ARB2A: variants seen among roughly 807,000 people sequenced by gnomAD.
ARB2A encodes the protein ARB2 cotranscriptional regulator A.
At chr5:93,852,744 T>C in the ARB2A span, among the ~76,000 whole-genome samples, 1 of 152,208 alleles carries the variant, frequency 6.6e-6, no homozygotes, top group East Asian at 1.9e-4. Context: ...TTCTCAGGTT[T>C]GTCAAAGATC....
chr5:93,683,121 G>C, the ARB2A span: 1 of 1,541,138 alleles, frequency 6.5e-7, no homozygotes, highest in Non-Finnish European at 8.9e-7. Context: ...TTTTTGGCTG[G>C]AGTATCTCGT....
the ARB2A span, among the ~76,000 whole-genome samples, chr5:93,848,627 T>G: frequency 6.6e-6 from 1 of 152,156 alleles, no homozygotes; most frequent in African/African-American, 2.4e-5. Flanking sequence ...AAAATGTGAC[T>G]AAGTATCAGA....
At chr5:93,945,506 G>A in the ARB2A span, among the ~76,000 whole-genome samples, 47 of 151,626 alleles carry the variant, frequency 3.1e-4, no homozygotes, top group Non-Finnish European at 5.7e-4. Context: ...CAAATCAGGC[G>A]TACTAATCAG....
chr5:93,770,793 G>T, the ARB2A span, among the ~76,000 whole-genome samples: 1 of 152,136 alleles, frequency 6.6e-6, no homozygotes, highest in East Asian at 1.9e-4. Flanking sequence ...ACTGCTCAAT[G>T]AAATAAAAGA....
chr5:93,929,786 T>C, the ARB2A span, among the ~76,000 whole-genome samples: 2 of 152,196 alleles, frequency 1.3e-5, no homozygotes, highest in Non-Finnish European at 2.9e-5. Context: ...AATTCAAAAT[T>C]ATTCTATTCA....
chr5:93,912,834 G>T, the ARB2A span, among the ~76,000 whole-genome samples: 32 of 151,592 alleles, frequency 2.1e-4, 1 homozygote, highest in South Asian at 6.2e-3. Context: ...ATATAGCTGT[G>T]TTTTCCAAAG....
chr5:93,668,360 C>T, the ARB2A span, among the ~76,000 whole-genome samples: 1 of 152,204 alleles, frequency 6.6e-6, no homozygotes, highest in African/African-American at 2.4e-5. Flanking sequence ...CCAACTCAGC[C>T]TCCAAAAAGT....
At chr5:93,986,350 C>T in the ARB2A span, among the ~76,000 whole-genome samples, 4 of 151,714 alleles carry the variant, frequency 2.6e-5, no homozygotes, top group Non-Finnish European at 4.4e-5. Context: ...CGGCAGCCAC[C>T]GTGTCTGGTA....
the ARB2A span, among the ~76,000 whole-genome samples, chr5:94,051,058 T>C: frequency 6.6e-6 from 1 of 152,298 alleles, no homozygotes; most frequent in African/African-American, 2.4e-5. Context: ...CCTTCATGTC[T>C]CTAATCTAAA....
At chr5:93,767,153 A>T in the ARB2A span, among the ~76,000 whole-genome samples, 2 of 152,184 alleles carry the variant, frequency 1.3e-5, no homozygotes, top group Non-Finnish European at 2.9e-5. Context: ...ACTAACCTGC[A>T]CGTTGTGCAC....
chr5:93,652,996 G>A, the ARB2A span, among the ~76,000 whole-genome samples: 43 of 152,074 alleles, frequency 2.8e-4, no homozygotes, highest in Middle Eastern at 6.8e-3. Context: ...GTTTTCTATC[G>A]GCTTTAACCC....
chr5:93,790,296 G>A, the ARB2A span, among the ~76,000 whole-genome samples: 5 of 152,252 alleles, frequency 3.3e-5, 1 homozygote, highest in Admixed American at 2.6e-4. Context: ...ACAAAAATAT[G>A]CCATGTAAAC....
the ARB2A span, among the ~76,000 whole-genome samples, chr5:93,712,630 T>C: frequency 2.6e-5 from 4 of 152,162 alleles, no homozygotes; most frequent in Non-Finnish European, 5.9e-5. Flanking sequence ...AAATCAATTT[T>C]AATTCTCAAA....
At chr5:93,918,430 C>CTTTT in the ARB2A span, among the ~76,000 whole-genome samples, 20 of 107,318 alleles carry the variant, frequency 1.9e-4, no homozygotes, top group East Asian at 2.7e-4. Context: ...TTCCAAATTT[C>CTTTT]TTTTTTTTTT....
the ARB2A span, chr5:94,055,976 G>C: frequency 4.7e-5 from 39 of 836,000 alleles, no homozygotes; most frequent in Non-Finnish European, 5.6e-5. Flanking sequence ...TACTTCATTT[G>C]ATCATCACAA....
At chr5:93,923,978 G>C in the ARB2A span, among the ~76,000 whole-genome samples, 2 of 152,234 alleles carry the variant, frequency 1.3e-5, no homozygotes, top group East Asian at 3.9e-4. Flanking sequence ...AGAGAAAGAA[G>C]AGTGGAAAGT....
the ARB2A span, among the ~76,000 whole-genome samples, chr5:93,897,049 G>A: frequency 6.6e-6 from 1 of 152,022 alleles, no homozygotes; most frequent in South Asian, 2.1e-4. Flanking sequence ...TAAAGGGAAA[G>A]TATAGGTTGG....
At chr5:93,924,176 T>C in the ARB2A span, among the ~76,000 whole-genome samples, 2 of 152,056 alleles carry the variant, frequency 1.3e-5, no homozygotes, top group African/African-American at 4.8e-5. Context: ...AAAATTAACA[T>C]GCTTTCATAG....
the ARB2A span, among the ~76,000 whole-genome samples, chr5:94,057,123 G>T: frequency 6.6e-6 from 1 of 152,256 alleles, no homozygotes; most frequent in African/African-American, 2.4e-5. Context: ...GCTCTCCTGG[G>T]TCTCCAGCTT....
Sources: gnomAD v4.1 joint callset for allele counts (sites outside exome capture counted in the v4.1 genomes callset) on GRCh38, gnomAD v4.1.1 for gene constraint, MANE v1.5 for transcripts, NCBI Gene and HGNC (gene_info 2026-07-23, HGNC 2026-07-21) for gene names.